AOPEP: variants seen among roughly 807,000 people sequenced by gnomAD.
AOPEP encodes the protein aminopeptidase O.
In AOPEP, 77 loss-of-function variants were observed where a neutral mutation model predicts 98.1. The observed-to-expected ratio is 0.78, with a 90% CI of 0.65 to 0.95. The LOEUF (loss-of-function observed/expected upper bound fraction) is 0.95. AOPEP is among the 40% of genes least tolerant of loss of function. AOPEP has a pLI of 0.00. For synonymous variants in AOPEP, 346 were observed against 365.3 expected, an observed-to-expected ratio of 0.95 and a Z score of 0.60; for missense variants, 1,024 against 1,024.7, an observed-to-expected ratio of 1.00 and a Z score of 0.01.
chr9:94,917,424 C>T (rs572659854), intron 5 of AOPEP, among the ~76,000 whole-genome samples: 2 of 152,304 alleles, frequency 1.3e-5, no homozygotes, highest in African/African-American at 2.4e-5. Flanking sequence ...CCTCCCCTTC[C>T]GCCCTCATGC....
Position 95,082,598 on chromosome 9 carries a change from G to A in AOPEP, c.2343G>A (p.Gly781=), listed in dbSNP as rs770889711. 3 of 1,614,230 alleles carry A rather than the reference G, an allele frequency of 1.9e-6. No homozygotes were observed. The highest frequency in any genetic ancestry group is 2.7e-5 in the African/African-American group (2 of 75,072). Residue 781 remains glycine, a synonymous_variant, in exon 16 of 17, where the codon GGG becomes GGA. Transcript: ENST00000375315. ...AGGCCATGGGTGTGTACCTCTACGGGGAGCTGATGGTGAGTGAGGACGCCA... is the reference window on the plus strand; with the variant it reads ...AGGCCATGGGTGTGTACCTCTACGGAGAGCTGATGGTGAGTGAGGACGCCA... ...EDQAMGVYLY[G]ELMVSEDARQ... is the part of the protein sequence containing the mutation.
chr9:94,824,931 C>G (rs185694326), intron 5 of AOPEP, among the ~76,000 whole-genome samples: 1 of 147,756 alleles, frequency 6.8e-6, no homozygotes, highest in Non-Finnish European at 1.5e-5. Context: ...TTAATGGCAC[C>G]AAAATTAACA....
chr9:94,976,053 C>T (rs2059819762), intron 10 of AOPEP, among the ~76,000 whole-genome samples: 1 of 152,180 alleles, frequency 6.6e-6, no homozygotes, highest in Non-Finnish European at 1.5e-5. Context: ...TCCTCTTGTC[C>T]TGTTTTACCT....
chr9:95,038,382 CA>C (rs1222009227), intron 13 of AOPEP, among the ~76,000 whole-genome samples: 1 of 152,164 alleles, frequency 6.6e-6, no homozygotes, highest in East Asian at 1.9e-4. Flanking sequence ...GCAACTTGCA[CA>C]CATTTTAAAT....
chr9:94,833,676 G>A (rs981141579), intron 5 of AOPEP, among the ~76,000 whole-genome samples: 3 of 152,132 alleles, frequency 2.0e-5, no homozygotes, highest in South Asian at 2.1e-4. Context: ...GGTTTGAAAC[G>A]CATCAAGTCC....
At chr9:94,961,855 G>A (rs1305832499) in intron 9 of AOPEP, among the ~76,000 whole-genome samples, 3 of 152,112 alleles carry the variant, frequency 2.0e-5, no homozygotes, top group Non-Finnish European at 2.9e-5. Context: ...AGTTTGCATG[G>A]TTGCCATACG....
rs1164742981 is a variant in AOPEP, at chr9:94,899,179, C to CTTTTTTTTTTTTTTTTTTTT, written c.1365-24803_1365-24784dup. 6.7e-5 allele frequency among the ~76,000 whole-genome samples: 4 copies of CTTTTTTTTTTTTTTTTTTTT among 59,732 alleles called. 2 individuals are homozygous for CTTTTTTTTTTTTTTTTTTTT. The highest frequency in any genetic ancestry group is 3.0e-4 in the African/African-American group (4 of 13,400). The allele number at this position is 59,732 out of a possible 152,430, so 39.2% of individuals were successfully genotyped here. ...GGAAGATAATTTGCCTCTTCATTTG[C>CTTTTTTTTTTTTTTTTTTTT]TTTTTTTTTTTTTTTTTTTTTTTGA... On this transcript the variant is annotated intron_variant, in intron 5 of 16. Coordinates refer to ENST00000375315, the MANE Select transcript of AOPEP (RefSeq NM_001193329.3).
intron 1 of AOPEP, among the ~76,000 whole-genome samples, chr9:94,754,434 A>T (rs1836534910): frequency 6.6e-6 from 1 of 152,238 alleles, no homozygotes; most frequent in Non-Finnish European, 1.5e-5. Context: ...ATGTGCAAAA[A>T]TAATTTCTCC....
At chr9:94,856,157 C>T (rs1033695554) in intron 5 of AOPEP, among the ~76,000 whole-genome samples, 1 of 152,150 alleles carries the variant, frequency 6.6e-6, no homozygotes, top group Non-Finnish European at 1.5e-5. Flanking sequence ...ACTCAGGCCA[C>T]GTGTTCATAG....
At chr9:94,862,251 C>G (rs933962418) in intron 5 of AOPEP, among the ~76,000 whole-genome samples, 1 of 152,110 alleles carries the variant, frequency 6.6e-6, no homozygotes, top group Non-Finnish European at 1.5e-5. Context: ...GAGCAGGACC[C>G]CCACAGAAAA....
At chr9:94,957,281 C>CACTGCA (rs2058529073) in intron 9 of AOPEP, among the ~76,000 whole-genome samples, 1 of 152,168 alleles carries the variant, frequency 6.6e-6, no homozygotes, top group Non-Finnish European at 1.5e-5. Flanking sequence ...GATCGCGGCT[C>CACTGCA]ACTGCAACCT....
At chr9:94,962,901 G>A (rs1055028731) in intron 9 of AOPEP, among the ~76,000 whole-genome samples, 6 of 151,780 alleles carry the variant, frequency 4.0e-5, no homozygotes, top group African/African-American at 1.5e-4. Context: ...CCGCCACCAC[G>A]CCTGGCTAAA....
At chr9:95,008,159 T>C (rs1196820904) in intron 13 of AOPEP, among the ~76,000 whole-genome samples, 2 of 152,252 alleles carry the variant, frequency 1.3e-5, no homozygotes, top group Non-Finnish European at 2.9e-5. Flanking sequence ...TTTGATTGTC[T>C]ACTTTGTTTT....
chr9:94,963,826 A>C (rs975450180), intron 9 of AOPEP, among the ~76,000 whole-genome samples: 2 of 152,222 alleles, frequency 1.3e-5, no homozygotes, highest in African/African-American at 4.8e-5. Context: ...AATTGAAAAG[A>C]GGTGGTGCAG....
chr9:95,147,851 G>A, the AOPEP span, among the ~76,000 whole-genome samples: 4 of 152,114 alleles, frequency 2.6e-5, no homozygotes, highest in Non-Finnish European at 2.9e-5. Flanking sequence ...AGAATCTCTG[G>A]ACTTACTGTA....
chr9:94,735,131 T>C (rs1174745970), intron 1 of AOPEP, among the ~76,000 whole-genome samples: 1 of 152,236 alleles, frequency 6.6e-6, no homozygotes, highest in African/African-American at 2.4e-5. Context: ...AAGTAGCTCA[T>C]TGGTTCAGAA....
intron 16 of AOPEP, among the ~76,000 whole-genome samples, chr9:95,083,327 A>G (rs1018361229): frequency 6.6e-6 from 1 of 151,556 alleles, no homozygotes; most frequent in Non-Finnish European, 1.5e-5. Context: ...CGCACCACAC[A>G]GAGCACGCAC....
At chr9:94,863,311 C>T (rs567395386) in intron 5 of AOPEP, among the ~76,000 whole-genome samples, 177 of 137,190 alleles carry the variant, frequency 1.3e-3, no homozygotes, top group African/African-American at 4.7e-3. Context: ...GACGGAGTCT[C>T]GCTCTGTCAC....
chr9:95,027,667 A>G (rs1299662577), intron 13 of AOPEP, among the ~76,000 whole-genome samples: 1 of 152,194 alleles, frequency 6.6e-6, no homozygotes, highest in Non-Finnish European at 1.5e-5. Flanking sequence ...GGTAGCTTTT[A>G]AGGATTCTTT....
Sources: allele counts gnomAD v4.1 joint callset (sites outside exome capture counted in the v4.1 genomes callset), GRCh38; gene constraint gnomAD v4.1.1; transcripts MANE v1.5; gene names NCBI Gene and HGNC (gene_info 2026-07-23, HGNC 2026-07-21).